The following NAALADL2 variants were observed in gnomAD, a reference collection of about 807,000 sequenced individuals.
NAALADL2 encodes inactive N-acetylated-alpha-linked acidic dipeptidase-like protein 2.
A neutral mutation model predicts 87.2 loss-of-function variants in NAALADL2; 76 were observed. The observed-to-expected ratio is 0.87, with a 90% CI of 0.72 to 1.05. The LOEUF (loss-of-function observed/expected upper bound fraction) is 1.05. Among genes scored for constraint, NAALADL2 ranks in the 50% least tolerant of loss-of-function variants. The pLI is 0.00. For missense variants in NAALADL2, 1,089 were observed against 945.8 expected (o/e 1.15, Z -1.99); for synonymous variants, 354 against 331.0 (o/e 1.07, Z -0.75).
chr3:175,566,162 A>G (rs1163863179), intron 9 of NAALADL2, among the ~76,000 whole-genome samples: 1 of 152,084 alleles, frequency 6.6e-6, no homozygotes, highest in Non-Finnish European at 1.5e-5. Flanking sequence ...TTTTCATACT[A>G]TATTTTACAA....
At chr3:174,707,025 C>G (rs1484435628) in intron 2 of NAALADL2, among the ~76,000 whole-genome samples, 2 of 152,150 alleles carry the variant, frequency 1.3e-5, no homozygotes, top group African/African-American at 2.4e-5. Context: ...ATTTATGCAG[C>G]CAACAGACAC....
At chr3:174,878,808 TA>T (rs955793306) in intron 1 of NAALADL2, among the ~76,000 whole-genome samples, 1 of 151,990 alleles carries the variant, frequency 6.6e-6, no homozygotes, top group Non-Finnish European at 1.5e-5. Flanking sequence ...ACATGTGAGA[TA>T]AAAAAATCCT....
chr3:175,435,835 CTT>C lies in NAALADL2; in HGVS notation c.1091-11392_1091-11391del, dbSNP rs1171141041. Among the ~76,000 whole-genome samples the C allele has an allele frequency of 4.8e-5, 7 of 147,114 alleles. No individual in the cohort carries two copies. In the Admixed American group the frequency reaches 4.9e-4, roughly 10 times the overall value. Reference sequence around the variant, plus strand: ...AGACCCAAATTAATATTAACAAAGACTTTACCTGTGTAGTACTTTTTTTTTTT... The same window carrying C: ...AGACCCAAATTAATATTAACAAAGACTACCTGTGTAGTACTTTTTTTTTTT... On this transcript the variant is annotated intron_variant, in intron 5 of 13. Coordinates refer to ENST00000454872, the MANE Select transcript of NAALADL2 (RefSeq NM_207015.3).
chr3:175,232,101 G>GAAGAAGGAGAAGGAGA (rs1745021937), intron 2 of NAALADL2, among the ~76,000 whole-genome samples: 1 of 151,626 alleles, frequency 6.6e-6, no homozygotes, highest in Non-Finnish European at 1.5e-5. Flanking sequence ...TATTTAAAAA[G>GAAGAAGGAGAAGGAGA]AAGAAGGAGA....
In NAALADL2 at chr3:174,880,925, A is replaced by G. The variant is rs192096726; in HGVS notation, c.43+21475A>G. ...TCTTAGATTCTGGTGGCTGATGGCA[A>G]TCCTTGGAATTCCTTGGCTTGAAGC... On this transcript the variant is annotated intron_variant, in intron 1 of 13. Coordinates refer to ENST00000454872, the MANE Select transcript of NAALADL2 (RefSeq NM_207015.3). 4.0e-3 allele frequency among the ~76,000 whole-genome samples: 609 copies of G among 152,152 alleles called. 2 individuals carry two copies. Among genetic ancestry groups the G allele is most frequent in the African/African-American group, 0.014 (561 of 41,516 alleles).
chr3:175,076,995 G>A (rs549619615), intron 1 of NAALADL2, among the ~76,000 whole-genome samples: 1 of 152,282 alleles, frequency 6.6e-6, no homozygotes, highest in East Asian at 1.9e-4. Flanking sequence ...ATTAAGTGCA[G>A]TGACTTAGAC....
chr3:175,796,086 A>G (rs1368604048), intron 13 of NAALADL2, among the ~76,000 whole-genome samples: 2 of 68,482 alleles, frequency 2.9e-5, no homozygotes, highest in African/African-American at 5.9e-5. Context: ...AGAAGGAGAG[A>G]GAGTGGGGGA....
In NAALADL2 at chr3:175,189,020, C is replaced by G. The variant is rs569998153; in HGVS notation, c.546-44911C>G. Among the ~76,000 whole-genome samples the G allele has an allele frequency of 2.0e-5, 3 of 152,264 alleles. No individual in the cohort carries two copies. In the South Asian group the frequency reaches 6.2e-4, roughly 32 times the overall value. On this transcript the variant is annotated intron_variant, in intron 2 of 13. Transcript: ENST00000454872. ...TGGGGATGAGCCTCAGAGTCACACACCCTGGTTTTGTTGGTGATAGTTATC... is the reference window on the plus strand; with the variant it reads ...TGGGGATGAGCCTCAGAGTCACACAGCCTGGTTTTGTTGGTGATAGTTATC...
intron 2 of NAALADL2, among the ~76,000 whole-genome samples, chr3:174,578,681 G>A (rs972975714): frequency 3.9e-5 from 6 of 151,926 alleles, no homozygotes; most frequent in Non-Finnish European, 8.8e-5. Context: ...GGAAGGAACA[G>A]AGAGTGGCAG....
At chr3:174,468,384 CTTTTTT>C (rs67829845) in intron 1 of NAALADL2, among the ~76,000 whole-genome samples, 4 of 132,724 alleles carry the variant, frequency 3.0e-5, no homozygotes, top group South Asian at 2.4e-4. Flanking sequence ...CTTTCTTTTT[CTTTTTT>C]TTTTTTTTTT....
At chr3:174,856,949 G>A (rs1356371637), upstream of NAALADL2, among the ~76,000 whole-genome samples, 1 of 151,880 alleles carries the variant, frequency 6.6e-6, no homozygotes, top group Non-Finnish European at 1.5e-5. Context: ...TGTCATTTGG[G>A]TTTGGTACTA....
chr3:175,013,519 G>A (rs180815145), intron 1 of NAALADL2, among the ~76,000 whole-genome samples: 1 of 151,294 alleles, frequency 6.6e-6, no homozygotes, highest in Non-Finnish European at 1.5e-5. Context: ...TGCTGCTCTT[G>A]AACTCCTGGC....
At chr3:175,483,379 CT>C (rs1726797763) in intron 9 of NAALADL2, among the ~76,000 whole-genome samples, 2 of 141,550 alleles carry the variant, frequency 1.4e-5, no homozygotes, top group Middle Eastern at 3.8e-3. Context: ...CTTTAAACAT[CT>C]TTTTTCCTGA....
chr3:174,476,490 T>C (rs114076524), intron 1 of NAALADL2, among the ~76,000 whole-genome samples: 58 of 152,148 alleles, frequency 3.8e-4, no homozygotes, highest in Non-Finnish European at 7.4e-4. Context: ...TCTCCTCTTA[T>C]ATTTCCTTAT....
At chr3:175,466,047 T>A (rs768247768) in intron 7 of NAALADL2, among the ~76,000 whole-genome samples, 1 of 152,216 alleles carries the variant, frequency 6.6e-6, no homozygotes, top group African/African-American at 2.4e-5. Context: ...CATCGAAAGT[T>A]GAAATAAGCT....
chr3:174,667,319 C>G (rs937272476), intron 2 of NAALADL2, among the ~76,000 whole-genome samples: 3 of 151,996 alleles, frequency 2.0e-5, no homozygotes, highest in Non-Finnish European at 4.4e-5. Flanking sequence ...CCAAAGCTAG[C>G]TGAGGGAAGA....
At chr3:175,428,798 C>G (rs1003887519) in intron 5 of NAALADL2, among the ~76,000 whole-genome samples, 12 of 152,188 alleles carry the variant, frequency 7.9e-5, no homozygotes, top group Non-Finnish European at 1.8e-4. Flanking sequence ...AACAAGCTTT[C>G]AAAACCCTAA....
rs1382982947 is a variant in NAALADL2 at position 174,827,475 on chromosome 3, T to A, written c.-9+89729T>A. 3.3e-5 allele frequency among the ~76,000 whole-genome samples: 5 copies of A among 152,228 alleles called. No individual in the cohort carries two copies. The East Asian group carries it at 9.6e-4, about 29-fold the overall frequency. On this transcript the variant is annotated intron_variant, in intron 3 of 3. Transcript: ENST00000434257. ...AAAACAAACAACATCAGAGCAAGTC[T>A]GTTTCACATCACTTCTCTCTGACCG...
chr3:174,954,346 T>A (rs1740857970), intron 1 of NAALADL2, among the ~76,000 whole-genome samples: 1 of 152,124 alleles, frequency 6.6e-6, no homozygotes, highest in Non-Finnish European at 1.5e-5. Flanking sequence ...TAAATTTGCA[T>A]AAAAATTAAG....
Sources: allele counts gnomAD v4.1 joint callset (sites outside exome capture counted in the v4.1 genomes callset), GRCh38; gene constraint gnomAD v4.1.1; transcripts MANE v1.5; gene names NCBI Gene and HGNC (gene_info 2026-07-23, HGNC 2026-07-21).